The following ERAP1 variants were observed in gnomAD, a reference collection of about 807,000 sequenced individuals.
The protein encoded by ERAP1 is endoplasmic reticulum aminopeptidase 1.
Under a neutral mutation model 103.7 loss-of-function variants are expected in ERAP1, and 86 were observed. That is an observed-to-expected ratio of 0.83 (90% CI 0.70 to 0.99). ERAP1 has a LOEUF of 0.99. Ranked by LOEUF, ERAP1 falls within the 50% of genes least tolerant of loss-of-function variation. The probability of loss-of-function intolerance (pLI) is 0.00; values close to 1 mark genes in which losing one functional copy is unlikely to be tolerated. For synonymous variants in ERAP1, 398 were observed against 402.4 expected, an observed-to-expected ratio of 0.99 and a Z score of 0.13; for missense variants, 1,009 against 1,128.4, an observed-to-expected ratio of 0.89 and a Z score of 1.52.
rs1773621144 is a variant in ERAP1, at chr5:96,774,505, T to G, written c.*1891A>C. 7.1e-6 allele frequency: 7 copies of G among 986,444 alleles called. No individual in the cohort carries two copies. In the Admixed American group the frequency reaches 4.3e-4, roughly 61 times the overall value. The allele number at this position is 986,444 out of a possible 1,614,324, so 61.1% of individuals were successfully genotyped here. A position where few individuals can be genotyped will look rare whatever the true frequency, so the allele number is the denominator to read the frequency against. ...CCACTTAGAGGCAAAGAACAATTTT[T>G]TATTATCAAAAAGGTTTCTGCACAT... is the stretch of plus-strand genomic sequence containing the variant. On this transcript the variant is annotated 3_prime_UTR_variant, in exon 19 of 19. Transcript: ENST00000443439.
intron 19 of ERAP1, chr5:96,765,959 A>C: frequency 1.3e-6 from 1 of 751,006 alleles, no homozygotes; most frequent in Non-Finnish European, 2.3e-6. Flanking sequence ...TGCCTCATGA[A>C]AGTACAACAA....
At chr5:96,765,327 TAAAAAA>T (rs59338324) in intron 19 of ERAP1, 8,278 of 506,914 alleles carry the variant, frequency 0.016, 15 homozygotes, top group Middle Eastern at 0.022. Context: ...AAAGTAAAGG[TAAAAAA>T]AAAAAAAAAA....
intron 1 of ERAP1, among the ~76,000 whole-genome samples, 156 bp downstream of exon 1, chr5:96,807,704 T>TTCCTCCCGCGCCCCGTCTCCC (rs1778803554): frequency 6.8e-5 from 10 of 148,028 alleles, no homozygotes; most frequent in South Asian, 6.4e-4. Flanking sequence ...CCCCGTCGCC[T>TTCCTCCCGCGCCCCGTCTCCC]TCCTCCCGCG....
the ERAP1 span, chr5:96,896,519 G>A: frequency 3.7e-4 from 593 of 1,605,550 alleles, 3 homozygotes; most frequent in East Asian, 0.012. Context: ...TAAATATCAG[G>A]TGCAGGTGGA....
At chr5:96,815,407 G>GTTT in the ERAP1 span, among the ~76,000 whole-genome samples, 388 of 105,360 alleles carry the variant, frequency 3.7e-3, 10 homozygotes, top group African/African-American at 5.7e-3. Context: ...TGTTTGTTTT[G>GTTT]TTTTTTATTT....
the ERAP1 span, chr5:96,934,414 G>C: frequency 2.6e-5 from 4 of 152,248 alleles, no homozygotes; most frequent in Non-Finnish European, 4.4e-5. Flanking sequence ...CTTGTGCGAG[G>C]AGCGAGCAAA....
At chr5:96,853,746 C>G in the ERAP1 span, among the ~76,000 whole-genome samples, 1 of 151,466 alleles carries the variant, frequency 6.6e-6, no homozygotes, top group African/African-American at 2.4e-5. Context: ...GAAAGATCAC[C>G]CACTTCATGT....
chr5:96,918,814 T>C, the ERAP1 span: 1 of 152,230 alleles, frequency 6.6e-6, no homozygotes, highest in East Asian at 1.9e-4. Context: ...GATAATTGAA[T>C]GTAAATATTT....
the ERAP1 span, among the ~76,000 whole-genome samples, chr5:96,828,011 T>A: frequency 8.5e-5 from 13 of 152,360 alleles, no homozygotes; most frequent in East Asian, 2.5e-3. Context: ...TATTTAAAGC[T>A]ATTGTGATAA....
the ERAP1 span, among the ~76,000 whole-genome samples, chr5:96,900,994 G>T: frequency 1.3e-5 from 2 of 152,154 alleles, no homozygotes; most frequent in African/African-American, 2.4e-5. Flanking sequence ...GGAAGGTTCA[G>T]CATCATCCAG....
chr5:96,778,425 G>A (rs1423068411), intron 18 of ERAP1, among the ~76,000 whole-genome samples: 4 of 152,174 alleles, frequency 2.6e-5, no homozygotes, highest in Non-Finnish European at 5.9e-5. Flanking sequence ...TTGGGGAATG[G>A]GCAAGCCAGG....
chr5:96,768,332 C>A, intron 19 of ERAP1: 1 of 426,600 alleles, frequency 2.3e-6, no homozygotes, highest in East Asian at 6.8e-5. Flanking sequence ...GATCTGCCAA[C>A]CTCTACCTCC....
chr5:96,906,073 T>C, the ERAP1 span, among the ~76,000 whole-genome samples: 1 of 151,856 alleles, frequency 6.6e-6, no homozygotes, highest in Non-Finnish European at 1.5e-5. Context: ...CCACACCCAG[T>C]GTAAATCAAT....
the ERAP1 span, among the ~76,000 whole-genome samples, chr5:96,875,360 C>A: frequency 6.6e-6 from 1 of 151,482 alleles, no homozygotes; most frequent in Admixed American, 6.6e-5. Flanking sequence ...CATGGGAAGA[C>A]CTCATCTATA....
At chr5:96,771,588 T>C, downstream of ERAP1, 3 of 1,352,668 alleles carry the variant, frequency 2.2e-6, no homozygotes, top group Non-Finnish European at 3.1e-6. Flanking sequence ...GAAGGCCATC[T>C]CCTCATACTT....
At chr5:96,877,480 A>G in the ERAP1 span, among the ~76,000 whole-genome samples, 3 of 152,246 alleles carry the variant, frequency 2.0e-5, no homozygotes, top group Admixed American at 6.5e-5. Flanking sequence ...TAATAATTTC[A>G]TATCCAACAC....
the ERAP1 span, chr5:96,892,393 C>T: frequency 5.0e-6 from 8 of 1,614,050 alleles, no homozygotes; most frequent in Non-Finnish European, 6.8e-6. Context: ...ACCCCAAGAC[C>T]TCTTCTGCTT....
the ERAP1 span, among the ~76,000 whole-genome samples, chr5:96,891,092 T>C: frequency 6.6e-6 from 1 of 152,176 alleles, no homozygotes; most frequent in East Asian, 1.9e-4. Context: ...AGCGCTAATT[T>C]AGTTTTTGAT....
intron 15 of ERAP1, 133 bp from the exon 16 acceptor site, chr5:96,781,987 T>A: frequency 1.3e-6 from 1 of 798,790 alleles, no homozygotes; most frequent in Non-Finnish European, 2.0e-6. Context: ...AAACAAAAAC[T>A]ACTGATTTCC....
Sources: gnomAD v4.1 joint callset for allele counts (sites outside exome capture counted in the v4.1 genomes callset) on GRCh38, gnomAD v4.1.1 for gene constraint, MANE v1.5 for transcripts, NCBI Gene and HGNC (gene_info 2026-07-23, HGNC 2026-07-21) for gene names.